Variants in PIEZO1 observed in about 807,000 individuals in gnomAD.
The protein encoded by PIEZO1 is piezo-type mechanosensitive ion channel component 1.
Under a neutral mutation model 297.2 loss-of-function variants are expected in PIEZO1, and 296 were observed. That is an observed-to-expected ratio of 1.00 (90% CI 0.91 to 1.10). The LOEUF is 1.10. Among genes scored for constraint, PIEZO1 ranks in the 50% least tolerant of loss-of-function variants. The pLI, the probability that PIEZO1 is intolerant of heterozygous loss-of-function variation, is 0.00. For missense variants in PIEZO1, 5,018 were observed against 3,455.5 expected (o/e 1.45, Z -11.34); for synonymous variants, 2,427 against 1,507.5 (o/e 1.61, Z -14.13).
At chr16:88,744,394 C>T (rs374076279) in intron 2 of PIEZO1, 4 of 152,058 alleles carry the variant, frequency 2.6e-5, no homozygotes, top group African/African-American at 7.3e-5. Context: ...CCCACAGGCA[C>T]GTGGGGCTCC....
intron 5 of PIEZO1, chr16:88,740,366 G>T (rs1905560136): frequency 6.6e-6 from 1 of 152,496 alleles, no homozygotes. Flanking sequence ...AAGATGACCA[G>T]AGTCCAGCCA....
intron 1 of PIEZO1, among the ~76,000 whole-genome samples, chr16:88,757,071 G>C (rs145011063): frequency 6.6e-6 from 1 of 152,200 alleles, no homozygotes; most frequent in African/African-American, 2.4e-5. Flanking sequence ...GCGAGACTCC[G>C]TCTCAAAACA....
rs1424131734 is a variant in PIEZO1 at position 88,722,347 on chromosome 16, C to T, written c.4826G>A (p.Ser1609Asn). ...CGTGTGGTAGCCGGTGCTCAGGGGG[C>T]TGCCCATGTCGTCTGTCATGCTGCT... The part of the protein sequence containing the change: ...PLSSMTDDMG[S>N]PLSTGYHTRS... Residue 1609 changes from serine to asparagine, a missense_variant, in exon 36 of 51, where the codon AGC (serine) becomes AAC (asparagine). Ser to Asn is a conservative substitution (Grantham distance 46). Transcript: ENST00000301015. The T allele has an allele frequency of 5.2e-6, 8 of 1,535,534 alleles. No individual in the cohort carries two copies. Among genetic ancestry groups the T allele is most frequent in the East Asian group, 2.5e-5 (1 of 40,792 alleles).
intron 35 of PIEZO1, 25 bp from the exon 36 acceptor site, chr16:88,722,422 A>G: frequency 1.3e-6 from 2 of 1,483,158 alleles, no homozygotes; most frequent in Non-Finnish European, 1.8e-6. Flanking sequence ...CGAGTCACAG[A>G]GAATCCTGCT....
At chr16:88,716,954 G>C in intron 45 of PIEZO1, 56 bp from the exon 46 acceptor site, 1 of 1,544,192 alleles carries the variant, frequency 6.5e-7, no homozygotes, top group Non-Finnish European at 8.8e-7. Context: ...GAGCGGCTGG[G>C]GGTGGTGCAC....
At chr16:88,723,391 G>A (rs1904298488) in intron 31 of PIEZO1, 63 bp from the exon 32 acceptor site, 3 of 1,524,566 alleles carry the variant, frequency 2.0e-6, no homozygotes, top group Non-Finnish European at 2.6e-6. Flanking sequence ...GCGGGAAGCT[G>A]GGGTTGGGCA....
intron 1 of PIEZO1, among the ~76,000 whole-genome samples, chr16:88,755,831 G>A (rs1906628165): frequency 6.6e-6 from 1 of 152,246 alleles, no homozygotes; most frequent in South Asian, 2.1e-4. Flanking sequence ...GGGACCGGGT[G>A]GGACCAGCAA....
chr16:88,729,545 A>G (rs1904663231), intron 22 of PIEZO1, among the ~76,000 whole-genome samples: 1 of 128,270 alleles, frequency 7.8e-6, no homozygotes, highest in African/African-American at 3.1e-5. Flanking sequence ...CCACAGCCCC[A>G]TCTGCCACAG....
chr16:88,783,031 G>C (rs1182919599), intron 1 of PIEZO1, among the ~76,000 whole-genome samples: 1 of 152,220 alleles, frequency 6.6e-6, no homozygotes, highest in Non-Finnish European at 1.5e-5. Context: ...TAGGTTTAAG[G>C]AAAGTACCAT....
chr16:88,745,569 C>G (rs66914140), intron 2 of PIEZO1: 32,155 of 151,888 alleles, frequency 0.21, 3,869 homozygotes, highest in East Asian at 0.55. Flanking sequence ...ATGGTGAAAC[C>G]CTGTTTCTAC....
rs1178506045 is a variant in PIEZO1 at position 88,721,855 on chromosome 16, G to A, written c.5167C>T (p.Pro1723Ser). 1 of 1,549,576 alleles carries A rather than the reference G, an allele frequency of 6.5e-7. No individual in the cohort carries two copies. The highest frequency in any genetic ancestry group is 8.7e-7 in the Non-Finnish European group (1 of 1,146,750). Reference sequence around the variant, plus strand: ...ATCCAGAAGCGCTTGCTGGGCCTCGGGATCGACAGCATGGCCCACAGGAAG... The same window carrying A: ...ATCCAGAAGCGCTTGCTGGGCCTCGAGATCGACAGCATGGCCCACAGGAAG... ...LVFLWAMLSI[P>S]RPSKRFWMTA... The change falls in exon 37 of 51, where the codon CCG becomes TCG. Residue 1723 changes from proline (P) to serine (S), a missense_variant. By Grantham distance (74) the Pro-to-Ser change is moderately conservative. Transcript: ENST00000301015.
intron 1 of PIEZO1, 85 bp from the exon 2 acceptor site, chr16:88,749,564 G>C: frequency 9.7e-7 from 1 of 1,032,170 alleles, no homozygotes; most frequent in Non-Finnish European, 1.4e-6. Flanking sequence ...GGCCCAGCTC[G>C]TCACACCGCC....
chr16:88,717,479 C>G (rs1324166367), intron 44 of PIEZO1: 3 of 593,578 alleles, frequency 5.1e-6, no homozygotes, highest in South Asian at 1.6e-5. Flanking sequence ...GTGCAGGCAC[C>G]GCCCCAGGCA....
Position 88,722,839 on chromosome 16 carries a change from G to A in PIEZO1, c.4666C>T (p.Gln1556Ter). 1 of 1,545,356 alleles carries A rather than the reference G, an allele frequency of 6.5e-7. No individual in the cohort carries two copies. The highest frequency in any genetic ancestry group is 8.7e-7 in the Non-Finnish European group (1 of 1,146,554). Residue 1556 changes from glutamine (Q) to a stop codon, truncating the protein, a stop_gained and splice_region_variant, in exon 34 of 51, where the codon CAG (glutamine) becomes TAG (stop). Coordinates refer to ENST00000301015, the MANE Select transcript of PIEZO1 (RefSeq NM_001142864.4). LOFTEE classifies it high-confidence loss of function. ...GCGTGGTGCACGGGCAGGCTCACCTGCAGGAGCTCCTGTGTGAGGAGGTAG... is the reference window on the plus strand; with the variant it reads ...GCGTGGTGCACGGGCAGGCTCACCTACAGGAGCTCCTGTGTGAGGAGGTAG... ...ERYLLTQELL[Q>*]GGEVHRGVLD... is the part of the protein sequence containing the mutation.
At chr16:88,730,755 G>C (rs1321969452) in intron 22 of PIEZO1, among the ~76,000 whole-genome samples, 2 of 152,246 alleles carry the variant, frequency 1.3e-5, no homozygotes, top group Non-Finnish European at 2.9e-5. Flanking sequence ...TGATGTAACA[G>C]TGTGTGGCCG....
At chr16:88,716,164 T>C in intron 49 of PIEZO1, 34 bp downstream of exon 49, 1 of 1,519,614 alleles carries the variant, frequency 6.6e-7, no homozygotes, top group Middle Eastern at 1.7e-4. Context: ...GTCACCCCTC[T>C]CTAGCCTCCC....
chr16:88,738,564 G>T lies in PIEZO1; in HGVS notation c.634+4C>A. The T allele has an allele frequency of 6.5e-7, 1 of 1,534,610 alleles. No homozygotes were observed. Among genetic ancestry groups the T allele is most frequent in the Non-Finnish European group, 8.7e-7 (1 of 1,146,044 alleles). On this transcript the variant is annotated splice_donor_region_variant and intron_variant, in intron 6 of 50. Coordinates refer to ENST00000301015, the MANE Select transcript of PIEZO1 (RefSeq NM_001142864.4). Reference sequence around the variant, plus strand: ...CTGCCAGTGCCCCCTGCCTCGGTGCGTACCTGCCAGTGCAAGCAGTGTTAC... The same window carrying T: ...CTGCCAGTGCCCCCTGCCTCGGTGCTTACCTGCCAGTGCAAGCAGTGTTAC...
intron 1 of PIEZO1, among the ~76,000 whole-genome samples, chr16:88,754,364 CAA>C (rs2142872222): frequency 6.6e-6 from 1 of 152,318 alleles, no homozygotes; most frequent in Admixed American, 6.5e-5. Context: ...GAACATTCCA[CAA>C]AGAGGGCTGG....
At chr16:88,745,177 A>C (rs1308225893) in intron 2 of PIEZO1, 3 of 151,630 alleles carry the variant, frequency 2.0e-5, no homozygotes, top group Non-Finnish European at 4.4e-5. Flanking sequence ...CTCTTCCAGG[A>C]GCCCAGGAGA....
Sources: allele counts gnomAD v4.1 joint callset (sites outside exome capture counted in the v4.1 genomes callset), GRCh38; gene constraint gnomAD v4.1.1; transcripts MANE v1.5; gene names NCBI Gene and HGNC (gene_info 2026-07-23, HGNC 2026-07-21).